The following CLIP2 variants were observed in gnomAD, a reference collection of about 807,000 sequenced individuals.
The protein encoded by CLIP2 is CAP-Gly domain containing linker protein 2.
In CLIP2, 41 loss-of-function variants were observed where a neutral mutation model predicts 111.7. The observed-to-expected ratio is 0.37, with a 90% CI of 0.29 to 0.48. The LOEUF (loss-of-function observed/expected upper bound fraction) is 0.48, where lower values mean the gene tolerates loss of function less well. Among genes scored for constraint, CLIP2 ranks in the 20% least tolerant of loss-of-function variants. CLIP2 has a pLI of 0.99. For missense variants in CLIP2, 1,160 were observed against 1,422.1 expected (o/e 0.82, Z 2.96); for synonymous variants, 660 against 644.2 (o/e 1.02, Z -0.37).
At position 74,292,471 on chromosome 7, in the gene CLIP2, C is replaced by T. The variant is rs184717318; in HGVS notation, c.-68+2737C>T. ...GTGCCACCTCGGCTCACTGCAACCT[C>T]CACCTCCCAGATTCAAGTGATTCTC... On this transcript the variant is annotated intron_variant, in intron 1 of 16. Transcript: ENST00000223398. 4.9e-4 allele frequency among the ~76,000 whole-genome samples: 75 copies of T among 152,280 alleles called. 4 individuals carry two copies. The East Asian group carries it at 0.011, about 22-fold the overall frequency.
In CLIP2 at chr7:74,338,671, C is replaced by T. The variant is rs781982097; in HGVS notation, c.345C>T (p.Asp115=). The T allele has an allele frequency of 2.0e-5, 32 of 1,578,328 alleles. No homozygotes were observed. The highest frequency in any genetic ancestry group is 2.6e-5 in the Non-Finnish European group (30 of 1,165,426). ...PGQWAGVVLD[D]PVGKNDGAVG... ...AGTGGGCTGGCGTGGTGCTGGACGA[C>T]CCGGTGGGCAAGAATGATGGCGCGG... The change falls in exon 3 of 17, where the codon GAC becomes GAT. Residue 115 remains aspartate, a synonymous_variant. Transcript: ENST00000223398. This position sits in a 1 kb window ranked among gnomAD's most constrained non-coding sequence, Gnocchi z 4.3.
intron 15 of CLIP2, among the ~76,000 whole-genome samples, chr7:74,400,837 C>G (rs1045830739): frequency 6.8e-6 from 1 of 147,704 alleles, no homozygotes; most frequent in Admixed American, 6.7e-5. Flanking sequence ...CCGGGAACCC[C>G]TGGTCTGAAG....
At position 74,362,528 on chromosome 7, in the gene CLIP2, CTTTTTTT is replaced by C. The variant is rs3044338; in HGVS notation, c.1320-1715_1320-1709del. On this transcript the variant is annotated intron_variant, in intron 7 of 16. Transcript: ENST00000223398. ...ACAGATCTTTTTTTCTTTTTCTTTT[CTTTTTTT>C]TTTTTTTTTTTGTTTCTTTAGACAG... Among the ~76,000 whole-genome samples the C allele has an allele frequency of 5.0e-4, 61 of 121,952 alleles. 1 individual carries two copies. In the South Asian group the frequency reaches 0.011, roughly 23 times the overall value. The allele number at this position is 121,952 out of a possible 152,430, so 80.0% of individuals were successfully genotyped here.
chr7:74,331,205 CAAAAAAAAAAAAAA>C (rs58844348), intron 2 of CLIP2, among the ~76,000 whole-genome samples: 4 of 59,944 alleles, frequency 6.7e-5, no homozygotes, highest in African/African-American at 1.5e-4. Context: ...GACTCCATCT[CAAAAAAAAAAAAAA>C]AAAAAAAAAA....
rs919930439 is a variant in CLIP2, at chr7:74,376,075, G to A, written c.1674G>A (p.Arg558=). Residue 558 remains arginine (R), a synonymous_variant, in exon 10 of 17, where the codon AGG becomes AGA. Transcript: ENST00000223398. This position sits in a 1 kb window ranked among gnomAD's most constrained non-coding sequence, Gnocchi z 7.1. ...TCTCGGCCAGCAAGGAACACCAGAG[G>A]GAGAGTGGGGTGCTGCGGGATAAAT... is the stretch of plus-strand genomic sequence containing the variant. ...RLLSASKEHQ[R]ESGVLRDKYE... 6.2e-7 allele frequency: 1 copy of A among 1,612,878 alleles called. No homozygotes were observed. The highest frequency in any genetic ancestry group is 8.5e-7 in the Non-Finnish European group (1 of 1,179,840).
chr7:74,400,149 CAA>C (rs781818573), intron 14 of CLIP2, among the ~76,000 whole-genome samples: 771 of 55,502 alleles, frequency 0.014, 6 homozygotes, highest in African/African-American at 0.045. Flanking sequence ...GACTCTGTCT[CAA>C]AAAAAAAAAA....
intron 3 of CLIP2, among the ~76,000 whole-genome samples, chr7:74,339,830 G>T (rs782436322): frequency 2.0e-5 from 3 of 152,072 alleles, no homozygotes; most frequent in African/African-American, 4.8e-5. Flanking sequence ...GTTCGTGCTT[G>T]TAATCTCAGC....
chr7:74,394,888 C>T (rs1791403567), intron 13 of CLIP2, among the ~76,000 whole-genome samples: 1 of 152,194 alleles, frequency 6.6e-6, no homozygotes, highest in South Asian at 2.1e-4. Flanking sequence ...ATTCTTGGTG[C>T]CCTGCCTGGT....
intron 3 of CLIP2, among the ~76,000 whole-genome samples, chr7:74,349,491 T>TATATATA (rs1789917736): frequency 8.1e-6 from 1 of 122,956 alleles, no homozygotes; most frequent in Non-Finnish European, 1.7e-5. Context: ...TATATATATA[T>TATATATA]ATATATATAT....
chr7:74,388,324 C>G (rs1791178683), intron 12 of CLIP2, among the ~76,000 whole-genome samples: 1 of 151,814 alleles, frequency 6.6e-6, no homozygotes, highest in Admixed American at 6.6e-5. Context: ...GAGTGAGACT[C>G]TATCACACAC....
chr7:74,396,295 C>T (rs79012817), intron 13 of CLIP2, among the ~76,000 whole-genome samples: 2,056 of 152,206 alleles, frequency 0.014, 19 homozygotes, highest in Middle Eastern at 0.024. Flanking sequence ...GGGGTGGTGG[C>T]TCAAACTTGT....
At chr7:74,300,009 G>A (rs1288690095) in intron 1 of CLIP2, among the ~76,000 whole-genome samples, 2 of 141,832 alleles carry the variant, frequency 1.4e-5, no homozygotes, top group African/African-American at 2.6e-5. Flanking sequence ...TTTTTTGGAC[G>A]GAATTTTGCT....
rs781971688 is a variant in CLIP2, at chr7:74,338,435, T to A, written c.122-13T>A. ...ACAGCCACCTCTTTCCCTTTCCCTC[T>A]CCTTCTCTGCAGGCTCCCCACTGCA... On this transcript the variant is annotated splice_polypyrimidine_tract_variant and intron_variant, in intron 2 of 16. Coordinates refer to ENST00000223398, the MANE Select transcript of CLIP2 (RefSeq NM_003388.5). This position sits in a 1 kb window ranked among gnomAD's most constrained non-coding sequence, Gnocchi z 4.3. 2.7e-5 allele frequency: 43 copies of A among 1,610,988 alleles called. No individual in the cohort carries two copies. Among genetic ancestry groups the A allele is most frequent in the African/African-American group, 8.0e-5 (6 of 74,816 alleles).
intron 1 of CLIP2, among the ~76,000 whole-genome samples, chr7:74,296,618 T>A (rs923268161): frequency 2.0e-5 from 3 of 149,244 alleles, no homozygotes; most frequent in Non-Finnish European, 4.4e-5. Flanking sequence ...TGAAACCCTG[T>A]TTCTACTAAA....
At chr7:74,372,146 T>C (rs1231883179) in intron 8 of CLIP2, among the ~76,000 whole-genome samples, 1 of 152,142 alleles carries the variant, frequency 6.6e-6, no homozygotes, top group Non-Finnish European at 1.5e-5. Flanking sequence ...AAAGCCAGTC[T>C]TGACACCCTG....
At chr7:74,315,954 T>C (rs535939879) in intron 1 of CLIP2, among the ~76,000 whole-genome samples, 1 of 151,200 alleles carries the variant, frequency 6.6e-6, no homozygotes, top group African/African-American at 2.4e-5. Context: ...ACGTGTGCCA[T>C]GGTGGTTTGC....
chr7:74,384,531 C>A (rs181458530), intron 11 of CLIP2, among the ~76,000 whole-genome samples: 4 of 149,194 alleles, frequency 2.7e-5, no homozygotes, highest in Non-Finnish European at 5.9e-5. Context: ...CTGCAACCTC[C>A]GCCTCCCAGG....
In CLIP2 at chr7:74,394,187, C is replaced by T. The variant is rs184178808; in HGVS notation, c.2721-2887C>T. Reference sequence around the variant, plus strand: ...CAGCTGTCAACAGCCTCCTTCCATCCTTCAGCTCTCATCAGTTATGAGATT... The same window carrying T: ...CAGCTGTCAACAGCCTCCTTCCATCTTTCAGCTCTCATCAGTTATGAGATT... On this transcript the variant is annotated intron_variant, in intron 13 of 16. Transcript: ENST00000223398. Among the ~76,000 whole-genome samples the T allele has an allele frequency of 2.6e-5, 4 of 152,106 alleles. No homozygotes were observed. In the East Asian group the frequency reaches 7.7e-4, roughly 29 times the overall value.
In CLIP2 at chr7:74,338,575, G is replaced by C; in HGVS notation, c.249G>C (p.Glu83Asp). 1 of 1,578,756 alleles carries C rather than the reference G, an allele frequency of 6.3e-7. No individual in the cohort carries two copies. The highest frequency in any genetic ancestry group is 1.4e-5 in the African/African-American group (1 of 74,050). ...TCCTGGGGGACTTTGTGGTGGGCGA[G>C]CGGGTGTGGGTGAACGGCGTGAAGC... The part of the protein sequence containing the change: ...DDFLGDFVVG[E>D]RVWVNGVKPG... Residue 83 changes from glutamate to aspartate, a missense_variant, in exon 3 of 17, where the codon GAG becomes GAC. Glu to Asp is a conservative substitution (Grantham distance 45). Coordinates refer to ENST00000223398, the MANE Select transcript of CLIP2 (RefSeq NM_003388.5). The surrounding 1 kb of genome is among the most constrained non-coding windows in gnomAD (Gnocchi z 4.3).
Sources: gnomAD v4.1 joint callset for allele counts (sites outside exome capture counted in the v4.1 genomes callset) on GRCh38, gnomAD v4.1.1 for gene constraint, Gnocchi (gnomAD v3.1) non-coding constraint, MANE v1.5 for transcripts, NCBI Gene and HGNC (gene_info 2026-07-23, HGNC 2026-07-21) for gene names.